The following QTMAN variants were observed in gnomAD, a reference collection of about 807,000 sequenced individuals.
QTMAN encodes the protein queuosine-tRNA mannosyltransferase.
At chr2:144,027,966 T>C in the QTMAN span, among the ~76,000 whole-genome samples, 1 of 152,208 alleles carries the variant, frequency 6.6e-6, no homozygotes, top group African/African-American at 2.4e-5. Flanking sequence ...ATTGGCTTAG[T>C]GTGGGGGCCG....
chr2:143,985,038 C>T, the QTMAN span, among the ~76,000 whole-genome samples: 1 of 152,218 alleles, frequency 6.6e-6, no homozygotes, highest in African/African-American at 2.4e-5. Context: ...ATGGCAAATG[C>T]TAAAAGAGCA....
the QTMAN span, among the ~76,000 whole-genome samples, chr2:144,315,140 C>G: frequency 6.6e-6 from 1 of 152,162 alleles, no homozygotes; most frequent in Non-Finnish European, 1.5e-5. Flanking sequence ...CCGCTTCAGC[C>G]TCCCAAAGGG....
At chr2:144,251,165 T>A in the QTMAN span, among the ~76,000 whole-genome samples, 3 of 152,150 alleles carry the variant, frequency 2.0e-5, no homozygotes, top group African/African-American at 7.2e-5. Flanking sequence ...TTTGCTAAAA[T>A]AATTACAAAT....
At chr2:144,282,961 G>C in the QTMAN span, among the ~76,000 whole-genome samples, 1 of 152,178 alleles carries the variant, frequency 6.6e-6, no homozygotes, top group Non-Finnish European at 1.5e-5. Flanking sequence ...ATACATCCAC[G>C]TGCTCAGAGT....
the QTMAN span, among the ~76,000 whole-genome samples, chr2:144,142,578 T>C: frequency 1.3e-5 from 2 of 151,982 alleles, no homozygotes; most frequent in Non-Finnish European, 2.9e-5. Context: ...GTCTACTTCT[T>C]GCTGTAGCTT....
the QTMAN span, among the ~76,000 whole-genome samples, chr2:144,277,486 T>A: frequency 6.6e-6 from 1 of 152,154 alleles, no homozygotes; most frequent in African/African-American, 2.4e-5. Context: ...GCAAACCTGA[T>A]AGCCTGACAG....
the QTMAN span, among the ~76,000 whole-genome samples, chr2:144,040,156 A>G: frequency 6.6e-6 from 1 of 152,232 alleles, no homozygotes; most frequent in Non-Finnish European, 1.5e-5. Context: ...AATTATCTTT[A>G]AAATTCAAAG....
the QTMAN span, among the ~76,000 whole-genome samples, chr2:143,966,802 T>C: frequency 6.6e-5 from 10 of 152,236 alleles, no homozygotes; most frequent in African/African-American, 1.9e-4. Flanking sequence ...CAATCAACAG[T>C]ATAGAGACTC....
chr2:143,951,922 G>T, the QTMAN span: 7 of 813,770 alleles, frequency 8.6e-6, no homozygotes, highest in South Asian at 3.1e-5. Flanking sequence ...TTTTTTTTAA[G>T]ATTTTTCTTT....
the QTMAN span, among the ~76,000 whole-genome samples, chr2:144,286,814 C>T: frequency 1.3e-5 from 2 of 152,210 alleles, no homozygotes; most frequent in Non-Finnish European, 2.9e-5. Flanking sequence ...CTAATGCAGA[C>T]ATCTGTACTC....
chr2:144,307,188 T>TAAAAAAAAAAAAAAAAAAAAAAAAAAAAA, the QTMAN span, among the ~76,000 whole-genome samples: 1 of 81,272 alleles, frequency 1.2e-5, no homozygotes, highest in Non-Finnish European at 2.6e-5. Context: ...AAAAAACAAT[T>TAAAAAAAAAAAAAAAAAAAAAAAAAAAAA]AAAAAAAAAA....
chr2:144,066,511 T>C, the QTMAN span, among the ~76,000 whole-genome samples: 1 of 152,232 alleles, frequency 6.6e-6, no homozygotes, highest in Non-Finnish European at 1.5e-5. Context: ...CCATCTAGCC[T>C]GCCTAAGAAA....
At chr2:144,258,100 A>G in the QTMAN span, among the ~76,000 whole-genome samples, 1 of 152,054 alleles carries the variant, frequency 6.6e-6, no homozygotes, top group Non-Finnish European at 1.5e-5. Flanking sequence ...TTCAGTACTG[A>G]AACAGTCAGA....
the QTMAN span, among the ~76,000 whole-genome samples, chr2:144,172,796 AC>A: frequency 6.6e-6 from 1 of 152,112 alleles, no homozygotes; most frequent in African/African-American, 2.4e-5. Context: ...GAGATGCCTC[AC>A]CTAAGATTAT....
chr2:144,048,896 ATAGT>A, the QTMAN span, among the ~76,000 whole-genome samples: 1 of 152,180 alleles, frequency 6.6e-6, no homozygotes, highest in African/African-American at 2.4e-5. Context: ...GGTATAGCTC[ATAGT>A]TAAAGTGATG....
At chr2:144,092,868 GGGGTGTGTGTGTGTGTGTGTGTGTGT>G in the QTMAN span, among the ~76,000 whole-genome samples, 1 of 89,444 alleles carries the variant, frequency 1.1e-5, no homozygotes, top group Non-Finnish European at 2.1e-5. Context: ...ATAAACTTTT[GGGGTGTGTGTGTGTGTGTGTGTGTGT>G]GTGTGTGTGT....
the QTMAN span, among the ~76,000 whole-genome samples, chr2:144,058,440 C>T: frequency 3.5e-4 from 54 of 152,162 alleles, 1 homozygote; most frequent in South Asian, 0.011. Context: ...CTTAACCCAG[C>T]ATATTGTCAC....
the QTMAN span, chr2:144,141,911 G>C: frequency 1.9e-6 from 3 of 1,611,346 alleles, no homozygotes; most frequent in Non-Finnish European, 2.5e-6. Flanking sequence ...TGATGGGAAA[G>C]TAAATAACTT....
the QTMAN span, among the ~76,000 whole-genome samples, chr2:144,027,103 G>A: frequency 5.9e-5 from 9 of 152,174 alleles, no homozygotes; most frequent in Admixed American, 1.3e-4. Flanking sequence ...ATGTCCCTGA[G>A]CTATTGGATA....
Sources: gnomAD v4.1 joint callset for allele counts (sites outside exome capture counted in the v4.1 genomes callset) on GRCh38, gnomAD v4.1.1 for gene constraint, MANE v1.5 for transcripts, NCBI Gene and HGNC (gene_info 2026-07-23, HGNC 2026-07-21) for gene names.